MTHFD2L: variants seen among roughly 807,000 people sequenced by gnomAD.
MTHFD2L encodes bifunctional methylenetetrahydrofolate dehydrogenase/cyclohydrolase 2, mitochondrial.
MTHFD2L carries 29 observed loss-of-function variants against 34.9 expected under a neutral mutation model. The ratio of observed to expected loss-of-function variants is 0.83; its 90% CI spans 0.62 to 1.13. The LOEUF is 1.13. Among genes scored for constraint, MTHFD2L ranks in the 50% most tolerant of loss-of-function variants. MTHFD2L has a pLI of 0.00. For synonymous variants in MTHFD2L, 167 were observed against 155.7 expected (o/e 1.07, Z -0.54); for missense variants, 481 against 446.5 (o/e 1.08, Z -0.70).
intron 5 of MTHFD2L, among the ~76,000 whole-genome samples, chr4:74,206,619 G>A (rs1037624493): frequency 6.6e-6 from 1 of 151,996 alleles, no homozygotes; most frequent in Admixed American, 6.6e-5. Context: ...AGTTGAAAAT[G>A]CATTTTGAAG....
At chr4:74,267,511 C>T (rs149718349) in intron 6 of MTHFD2L, among the ~76,000 whole-genome samples, 99 of 152,172 alleles carry the variant, frequency 6.5e-4, no homozygotes, top group East Asian at 2.5e-3. Flanking sequence ...CCTGCCCACC[C>T]GGGCTTAAGC....
chr4:74,123,116 G>A (rs1354634966), upstream of MTHFD2L, among the ~76,000 whole-genome samples: 1 of 152,188 alleles, frequency 6.6e-6, no homozygotes, highest in Non-Finnish European at 1.5e-5. Flanking sequence ...AAAATTTGCT[G>A]AGACCTGGGA....
intron 1 of MTHFD2L, among the ~76,000 whole-genome samples, chr4:74,158,891 A>C (rs914872574): frequency 6.6e-6 from 1 of 151,956 alleles, no homozygotes; most frequent in South Asian, 2.1e-4. Context: ...CAGGGTACGC[A>C]CTCTTCTATC....
intron 3 of MTHFD2L, chr4:74,195,014 T>C (rs1158465800): frequency 6.6e-6 from 1 of 152,242 alleles, no homozygotes; most frequent in Admixed American, 6.5e-5. Flanking sequence ...GAGAATGTGG[T>C]ATTTAAGAAA....
At chr4:74,289,110 A>T (rs1009453481) in intron 7 of MTHFD2L, among the ~76,000 whole-genome samples, 3 of 152,220 alleles carry the variant, frequency 2.0e-5, no homozygotes, top group Non-Finnish European at 2.9e-5. Context: ...CAAAGTACTT[A>T]CTCACCAGTA....
At chr4:74,243,429 G>T (rs1741987235) in intron 6 of MTHFD2L, among the ~76,000 whole-genome samples, 1 of 152,130 alleles carries the variant, frequency 6.6e-6, no homozygotes, top group Non-Finnish European at 1.5e-5. Flanking sequence ...CTGCCGTGAA[G>T]ACCTTTGACC....
rs528355424 is a variant in MTHFD2L at position 74,164,129 on chromosome 4, G to T, written c.143+5848G>T. On this transcript the variant is annotated intron_variant, in intron 1 of 7. Transcript: ENST00000325278. ...CTGACTTCGTGATCCGCCCGCCTCAGCCTCCCAAAGTGCTGGGATTACAGG... is the reference window on the plus strand; with the variant it reads ...CTGACTTCGTGATCCGCCCGCCTCATCCTCCCAAAGTGCTGGGATTACAGG... Among the ~76,000 whole-genome samples the T allele has an allele frequency of 3.9e-5, 6 of 152,328 alleles. No homozygotes were observed. The South Asian group carries it at 1.2e-3, about 32-fold the overall frequency.
rs533587776 is a variant in MTHFD2L at position 74,281,689 on chromosome 4, T to G, written c.931+139T>G. On this transcript the variant is annotated intron_variant, in intron 7 of 7. Coordinates refer to ENST00000325278, the MANE Select transcript of MTHFD2L (RefSeq NM_001144978.3). The stretch of plus-strand genomic sequence containing the variant: ...CTCTTTCTTCTGAGGGAAAAGATTT[T>G]AATCAGACTTAAATATTTACTTTCT... 3.7e-6 allele frequency: 3 copies of G among 813,598 alleles called. No homozygotes were observed. The South Asian group carries it at 6.1e-5, about 17-fold the overall frequency. 50.4% of individuals were successfully genotyped at this position (813,598 alleles called of 1,614,324 possible).
At chr4:74,170,066 A>T (rs1181803947) in intron 1 of MTHFD2L, among the ~76,000 whole-genome samples, 2 of 152,202 alleles carry the variant, frequency 1.3e-5, no homozygotes, top group Non-Finnish European at 2.9e-5. Context: ...CGAGAAAAAA[A>T]TGCCAATTCT....
At chr4:74,170,370 C>G (rs1400667149) in intron 1 of MTHFD2L, among the ~76,000 whole-genome samples, 3 of 152,158 alleles carry the variant, frequency 2.0e-5, no homozygotes, top group Non-Finnish European at 4.4e-5. Flanking sequence ...TCGAGAAAAA[C>G]ATATGATCAT....
chr4:74,279,721 A>C (rs1297732877), intron 6 of MTHFD2L, among the ~76,000 whole-genome samples: 1 of 152,020 alleles, frequency 6.6e-6, no homozygotes, highest in Non-Finnish European at 1.5e-5. Flanking sequence ...TTCTTTTTCT[A>C]TTGGATGCCA....
intron 3 of MTHFD2L, among the ~76,000 whole-genome samples, chr4:74,186,347 A>G (rs1731231524): frequency 6.8e-6 from 1 of 146,630 alleles, no homozygotes; most frequent in African/African-American, 2.5e-5. Context: ...TACCATGTCT[A>G]TTTAACATTT....
At chr4:74,202,219 A>G (rs917872284) in intron 5 of MTHFD2L, among the ~76,000 whole-genome samples, 5 of 152,328 alleles carry the variant, frequency 3.3e-5, no homozygotes, top group Middle Eastern at 3.4e-3. Context: ...TGTAATTGAC[A>G]TTGTGGACTT....
At chr4:74,253,740 G>A (rs546501852) in intron 6 of MTHFD2L, among the ~76,000 whole-genome samples, 3 of 152,156 alleles carry the variant, frequency 2.0e-5, no homozygotes, top group Admixed American at 2.0e-4. Flanking sequence ...GCAGAACCAG[G>A]CTAGCTCCTG....
At chr4:74,159,948 G>C in intron 1 of MTHFD2L, 1 of 560,168 alleles carries the variant, frequency 1.8e-6, no homozygotes, top group Non-Finnish European at 2.5e-6. Flanking sequence ...ATCTCTGAAG[G>C]TGAGGTTGGC....
At chr4:74,222,872 A>G (rs1738453586) in intron 5 of MTHFD2L, among the ~76,000 whole-genome samples, 1 of 152,072 alleles carries the variant, frequency 6.6e-6, no homozygotes, top group Non-Finnish European at 1.5e-5. Context: ...GTAGATACAC[A>G]ATGAGATACC....
intron 5 of MTHFD2L, 24 bp downstream of exon 5, chr4:74,201,394 A>G (rs201600027): frequency 2.0e-6 from 3 of 1,528,092 alleles, no homozygotes; most frequent in South Asian, 1.1e-5. Flanking sequence ...TGCAGATTCT[A>G]CACTCTCTCG....
At chr4:74,167,555 A>G (rs932915562) in intron 1 of MTHFD2L, among the ~76,000 whole-genome samples, 8 of 152,252 alleles carry the variant, frequency 5.3e-5, no homozygotes, top group African/African-American at 1.9e-4. Flanking sequence ...AGCTCACAGC[A>G]GATTCCCAGG....
At chr4:74,201,207 G>T (rs927821326) in intron 4 of MTHFD2L, 56 bp from the exon 5 acceptor site, 1 of 1,355,224 alleles carries the variant, frequency 7.4e-7, no homozygotes, top group African/African-American at 1.4e-5. Flanking sequence ...CTGTACAAAT[G>T]TTTAATTTAC....
Sources: gnomAD v4.1 joint callset for allele counts (sites outside exome capture counted in the v4.1 genomes callset) on GRCh38, gnomAD v4.1.1 for gene constraint, MANE v1.5 for transcripts, NCBI Gene and HGNC (gene_info 2026-07-23, HGNC 2026-07-21) for gene names.